RUBCN: variants seen among roughly 807,000 people sequenced by gnomAD.
The protein encoded by RUBCN is rubicon autophagy regulator.
Under a neutral mutation model 113.2 loss-of-function variants are expected in RUBCN, and 74 were observed. The observed-to-expected ratio is 0.65, with a 90% CI of 0.54 to 0.79. RUBCN has a LOEUF of 0.79. RUBCN is among the 30% of genes least tolerant of loss of function. The probability of loss-of-function intolerance (pLI) is 0.00; values close to 1 mark genes in which losing one functional copy is unlikely to be tolerated. For missense variants in RUBCN, 1,109 were observed against 1,251.7 expected (o/e 0.89, Z 1.72); for synonymous variants, 480 against 490.0 (o/e 0.98, Z 0.27).
Position 197,748,926 on chromosome 3 carries a change from C to T in RUBCN, c.-116+343G>A, listed in dbSNP as rs192743677. The stretch of plus-strand genomic sequence containing the variant: ...GGTTTCCATGCTAAAGGAATTTTTG[C>T]ATTTTATGAATTGGAGAGGAGAAAG... On this transcript the variant is annotated intron_variant, in intron 1 of 20. Coordinates refer to the RUBCN transcript ENST00000273582. 3.9e-3 allele frequency among the ~76,000 whole-genome samples: 587 copies of T among 152,230 alleles called. 2 individuals are homozygous for T. Among genetic ancestry groups the T allele is most frequent in the Non-Finnish European group, 5.0e-3 (342 of 68,010 alleles).
Position 197,696,980 on chromosome 3 carries a change from G to T in RUBCN, c.1331C>A (p.Thr444Lys), listed in dbSNP as rs1390229694. ...PYSGQSSEVS[T>K]PSSLYMEYEG... ...ATATTCCATGTACAGAGAGCTGGGT[G>T]TGCTGACTTCACTGCTTTGACCAGA... is the stretch of plus-strand genomic sequence containing the variant. The change falls in exon 8 of 20, where the codon ACA becomes AAA. Residue 444 changes from threonine (T) to lysine (K), a missense_variant. Thr to Lys is a moderately conservative substitution (Grantham distance 78). Transcript: ENST00000296343. 4 of 1,605,076 alleles carry T rather than the reference G, an allele frequency of 2.5e-6. No individual in the cohort carries two copies. Among genetic ancestry groups the T allele is most frequent in the Non-Finnish European group, 3.4e-6 (4 of 1,171,774 alleles).
At chr3:197,731,266 C>A (rs561755999) in intron 1 of RUBCN, among the ~76,000 whole-genome samples, 2 of 152,250 alleles carry the variant, frequency 1.3e-5, no homozygotes, top group East Asian at 3.9e-4. Context: ...ATCCATTCAA[C>A]CCTGAGTGGA....
chr3:197,701,004 G>T lies in RUBCN; in HGVS notation c.870C>A (p.Thr290=), dbSNP rs1477391682. 1.2e-6 allele frequency: 2 copies of T among 1,614,166 alleles called. No homozygotes were observed. Among genetic ancestry groups the T allele is most frequent in the Non-Finnish European group, 1.7e-6 (2 of 1,180,034 alleles). ...VSALARDSPL[T]PNEMSSSTLT... ...GAGTACTGGAGCTCATTTCATTTGGGGTCAAAGGGGAATCCCTGGCTAGTG... is the reference window on the plus strand; with the variant it reads ...GAGTACTGGAGCTCATTTCATTTGGTGTCAAAGGGGAATCCCTGGCTAGTG... Residue 290 remains threonine, a synonymous_variant, in exon 7 of 20, where the codon ACC becomes ACA. Coordinates refer to ENST00000296343, the MANE Select transcript of RUBCN (RefSeq NM_014687.4).
intron 1 of RUBCN, among the ~76,000 whole-genome samples, chr3:197,734,867 A>T (rs1727943207): frequency 6.6e-6 from 1 of 152,232 alleles, no homozygotes; most frequent in Non-Finnish European, 1.5e-5. Context: ...ACTTAGCACA[A>T]ATCATTCTCA....
chr3:197,676,320 A>G (rs1227991010), intron 18 of RUBCN: 4 of 1,001,068 alleles, frequency 4.0e-6, no homozygotes, highest in Admixed American at 1.0e-4. Context: ...CTCTCACATC[A>G]TGACAACTGC....
intron 2 of RUBCN, among the ~76,000 whole-genome samples, chr3:197,711,864 T>A (rs1305521383): frequency 6.6e-6 from 1 of 152,206 alleles, no homozygotes; most frequent in East Asian, 1.9e-4. Context: ...ACAACCTTAA[T>A]GTTTTTTTTA....
chr3:197,734,402 TAAAAAAA>T (rs1727882621), intron 1 of RUBCN, among the ~76,000 whole-genome samples: 1 of 141,410 alleles, frequency 7.1e-6, no homozygotes, highest in Non-Finnish European at 1.5e-5. Flanking sequence ...AGACCCTGTC[TAAAAAAA>T]GAAAAAAAAA....
Position 197,672,895 on chromosome 3 carries a change from A to T in RUBCN, c.*2123T>A, listed in dbSNP as rs1174293625. ...TTTGGAAGAGACAGGGTTTCACCACATTGGCCAGGCTGGTCTCAAACTCCT... is the reference window on the plus strand; with the variant it reads ...TTTGGAAGAGACAGGGTTTCACCACTTTGGCCAGGCTGGTCTCAAACTCCT... On this transcript the variant is annotated 3_prime_UTR_variant, in exon 20 of 20. Coordinates refer to ENST00000296343, the MANE Select transcript of RUBCN (RefSeq NM_014687.4). 1 of 152,286 alleles carries T rather than the reference A, an allele frequency of 6.6e-6. No individual in the cohort carries two copies. Among genetic ancestry groups the T allele is most frequent in the Non-Finnish European group, 1.5e-5 (1 of 68,132 alleles). 9.4% of individuals were successfully genotyped at this position (152,286 alleles called of 1,614,324 possible).
chr3:197,724,436 T>G (rs572273776), intron 1 of RUBCN, among the ~76,000 whole-genome samples: 1 of 152,226 alleles, frequency 6.6e-6, no homozygotes, highest in Admixed American at 6.5e-5. Context: ...GTGAAAGTAC[T>G]ATGCAATTGC....
At chr3:197,695,221 G>A (rs1290431940) in intron 9 of RUBCN, among the ~76,000 whole-genome samples, 1 of 149,374 alleles carries the variant, frequency 6.7e-6, no homozygotes, top group African/African-American at 2.5e-5. Context: ...GCTCACACCT[G>A]TGAATCCCAG....
intron 1 of RUBCN, among the ~76,000 whole-genome samples, chr3:197,726,347 C>T (rs1435460782): frequency 2.1e-5 from 3 of 146,252 alleles, no homozygotes; most frequent in South Asian, 4.3e-4. Flanking sequence ...CCTGGGTTCA[C>T]ACCATTCTCC....
intron 1 of RUBCN, among the ~76,000 whole-genome samples, chr3:197,720,461 G>T (rs1283446476): frequency 6.6e-6 from 1 of 151,972 alleles, no homozygotes; most frequent in African/African-American, 2.4e-5. Flanking sequence ...AGGCTGGAGT[G>T]CAGTGGCATA....
rs780142724 is a variant in RUBCN at position 197,675,148 on chromosome 3, G to A, written c.2789C>T (p.Pro930Leu). Residue 930 changes from proline (P) to leucine (L), a missense_variant, in exon 20 of 20, where the codon CCG becomes CTG. Physicochemically the swap from Pro to Leu is moderately conservative, Grantham distance 98 (BLOSUM62 -3). Around this residue, in one of 3 missense-constraint regions of RUBCN, gnomAD observed 306 missense variants for 348.9 expected, o/e 0.88. Transcript: ENST00000296343. This position sits in a 1 kb window ranked among gnomAD's most constrained non-coding sequence, Gnocchi z 4.4. ...HKACFKSGSC[P>L]RCERLQARRE... ...CCGGGCCTGCAGCCGCTCGCAGCGC[G>A]GACAGCTTCCAGACTTGAAGCAGGC... 1.6e-5 allele frequency: 26 copies of A among 1,613,948 alleles called. No homozygotes were observed. The highest frequency in any genetic ancestry group is 3.3e-5 in the Admixed American group (2 of 60,016).
At position 197,672,056 on chromosome 3, in the gene RUBCN, C is replaced by G. The variant is rs1719839632; in HGVS notation, c.*2962G>C. On this transcript the variant is annotated 3_prime_UTR_variant, in exon 20 of 20. Transcript: ENST00000296343. ...GAACTGCCAGGCTGCACAAGCACCACAGCAGGTGGAAACGCAGTTCAGAGC... is the reference window on the plus strand; with the variant it reads ...GAACTGCCAGGCTGCACAAGCACCAGAGCAGGTGGAAACGCAGTTCAGAGC... 1 of 152,238 alleles carries G rather than the reference C, an allele frequency of 6.6e-6. No individual in the cohort carries two copies. Among genetic ancestry groups the G allele is most frequent in the Admixed American group, 6.5e-5 (1 of 15,282 alleles). The allele number at this position is 152,238 out of a possible 1,614,324, so 9.4% of individuals were successfully genotyped here.
At chr3:197,687,883 T>A (rs766890297) in intron 11 of RUBCN, among the ~76,000 whole-genome samples, 1 of 152,144 alleles carries the variant, frequency 6.6e-6, no homozygotes, top group Non-Finnish European at 1.5e-5. Context: ...CAGCTCTGTG[T>A]TTCAGGGAAC....
At chr3:197,692,493 G>A (rs1722532501) in intron 11 of RUBCN, among the ~76,000 whole-genome samples, 2 of 151,606 alleles carry the variant, frequency 1.3e-5, no homozygotes, top group South Asian at 4.2e-4. Context: ...AGAAGGGCAG[G>A]TAGCTTGGTG....
intron 1 of RUBCN, among the ~76,000 whole-genome samples, chr3:197,746,984 T>C (rs1339342338): frequency 6.6e-6 from 1 of 151,958 alleles, no homozygotes; most frequent in African/African-American, 2.4e-5. Flanking sequence ...AATGAATATA[T>C]GATTAAATGA....
chr3:197,676,228 G>T lies in RUBCN; in HGVS notation c.2646+657C>A. ...AAATCGAGGCCTCAGAGGGGACAAA[G>T]TATTTATTTTGGTCATAATGACTGA... On this transcript the variant is annotated intron_variant, in intron 18 of 19. Coordinates refer to ENST00000296343, the MANE Select transcript of RUBCN (RefSeq NM_014687.4). 4 of 991,060 alleles carry T rather than the reference G, an allele frequency of 4.0e-6. No individual in the cohort carries two copies. In the South Asian group the frequency reaches 1.8e-4, roughly 45 times the overall value. The allele number at this position is 991,060 out of a possible 1,614,324, so 61.4% of individuals were successfully genotyped here. A position where few individuals can be genotyped will look rare whatever the true frequency, so the allele number is the denominator to read the frequency against.
At chr3:197,708,356 G>A (rs1310957176) in intron 2 of RUBCN, among the ~76,000 whole-genome samples, 3 of 151,762 alleles carry the variant, frequency 2.0e-5, no homozygotes, top group East Asian at 1.9e-4. Context: ...AGCTGGTCTC[G>A]AACTCCTGAA....
Sources: allele counts gnomAD v4.1 joint callset (sites outside exome capture counted in the v4.1 genomes callset), GRCh38; gene constraint gnomAD v4.1.1; regional missense constraint gnomAD v4.1.1; non-coding constraint Gnocchi (gnomAD v3.1); transcripts MANE v1.5; gene names NCBI Gene and HGNC (gene_info 2026-07-23, HGNC 2026-07-21).